Variants in P3H2 observed in about 807,000 individuals in gnomAD.
The protein encoded by P3H2 is prolyl 3-hydroxylase 2.
P3H2 carries 80 observed loss-of-function variants against 87.0 expected under a neutral mutation model. The ratio of observed to expected loss-of-function variants is 0.92; its 90% CI spans 0.77 to 1.11. P3H2 has a LOEUF of 1.11. P3H2 is among the 50% of genes least tolerant of loss of function. The pLI is 0.00. For missense variants in P3H2, 1,001 were observed against 923.9 expected (o/e 1.08, Z -1.08); for synonymous variants, 367 against 359.3 (o/e 1.02, Z -0.24).
rs544894056 is a variant in P3H2 at position 190,022,941 on chromosome 3, T to C, written c.481-27499A>G. On this transcript the variant is annotated intron_variant, in intron 1 of 14. Coordinates refer to ENST00000319332, the MANE Select transcript of P3H2 (RefSeq NM_018192.4). ...TCCCGGGTTCACGCCATTCTCCTGC[T>C]TCAGCCTCCCGAGTAGCTGGGACTA... Among the ~76,000 whole-genome samples the C allele has an allele frequency of 4.9e-4, 74 of 152,156 alleles. No individual in the cohort carries two copies. In the South Asian group the frequency reaches 7.5e-3, roughly 15 times the overall value.
At chr3:190,072,751 C>T (rs1264020056) in intron 1 of P3H2, among the ~76,000 whole-genome samples, 1 of 152,168 alleles carries the variant, frequency 6.6e-6, no homozygotes, top group South Asian at 2.1e-4. Flanking sequence ...ACAACATGCA[C>T]AATATAATTC....
At chr3:190,084,308 C>T (rs1172314146) in intron 1 of P3H2, among the ~76,000 whole-genome samples, 4 of 152,128 alleles carry the variant, frequency 2.6e-5, no homozygotes, top group East Asian at 1.9e-4. Flanking sequence ...AAATGGTCTC[C>T]GCTAAAGAAG....
intron 1 of P3H2, among the ~76,000 whole-genome samples, chr3:190,094,105 G>C (rs754722076): frequency 6.6e-6 from 1 of 152,150 alleles, no homozygotes; most frequent in Non-Finnish European, 1.5e-5. Context: ...AACCAGAATC[G>C]AGAATGTGTT....
chr3:190,084,215 C>T (rs560153762), intron 1 of P3H2, among the ~76,000 whole-genome samples: 1 of 152,272 alleles, frequency 6.6e-6, no homozygotes, highest in East Asian at 1.9e-4. Flanking sequence ...TAATTTCTCA[C>T]CATTCACTTC....
At chr3:190,086,014 T>C (rs939893987) in intron 1 of P3H2, among the ~76,000 whole-genome samples, 1 of 152,176 alleles carries the variant, frequency 6.6e-6, no homozygotes, top group African/African-American at 2.4e-5. Flanking sequence ...AGATTATTCT[T>C]CATTACCAAA....
At chr3:190,053,051 T>C (rs1251000431) in intron 1 of P3H2, among the ~76,000 whole-genome samples, 1 of 152,228 alleles carries the variant, frequency 6.6e-6, no homozygotes, top group Admixed American at 6.5e-5. Context: ...TATTTTAGGA[T>C]TCAATCATGT....
In P3H2 at chr3:190,120,259, T is replaced by C. The variant is rs1184222793; in HGVS notation, c.473A>G (p.Tyr158Cys). Residue 158 changes from tyrosine to cysteine, a missense_variant, in exon 1 of 15, where the codon TAC becomes TGC. Physicochemically the swap from Tyr to Cys is radical, Grantham distance 194. Coordinates refer to ENST00000319332, the MANE Select transcript of P3H2 (RefSeq NM_018192.4). ...GGAGCGCTCTGTGGGTACCTTGATG[T>C]AGGCCCGCTGCAGGTAGTTGTAGGG... ...RVPYNYLQRAYIKLNQLEKAV... is the reference protein window; with the variant it reads ...RVPYNYLQRACIKLNQLEKAV... 3 of 1,610,704 alleles carry C rather than the reference T, an allele frequency of 1.9e-6. No individual in the cohort carries two copies. The highest frequency in any genetic ancestry group is 1.3e-5 in the African/African-American group (1 of 74,892).
chr3:190,044,838 G>A (rs1237083115), intron 1 of P3H2, among the ~76,000 whole-genome samples: 1 of 152,154 alleles, frequency 6.6e-6, no homozygotes, highest in Non-Finnish European at 1.5e-5. Context: ...GAAGAAAAAG[G>A]GTCTCTGTTC....
At chr3:190,016,977 G>T (rs1015687481) in intron 1 of P3H2, among the ~76,000 whole-genome samples, 1 of 152,230 alleles carries the variant, frequency 6.6e-6, no homozygotes. Flanking sequence ...ATTCAAGTAT[G>T]AGTCCACTGA....
At chr3:189,984,073 T>C (rs565190976) in intron 7 of P3H2, among the ~76,000 whole-genome samples, 9 of 152,142 alleles carry the variant, frequency 5.9e-5, no homozygotes, top group Admixed American at 5.2e-4. Flanking sequence ...ACTTTAAGTA[T>C]AATAATAATA....
At chr3:190,098,556 C>G (rs184865387) in intron 1 of P3H2, among the ~76,000 whole-genome samples, 2 of 152,124 alleles carry the variant, frequency 1.3e-5, no homozygotes, top group Non-Finnish European at 2.9e-5. Flanking sequence ...TTCTAAGTGC[C>G]TAACTTGTAT....
At position 190,078,681 on chromosome 3, in the gene P3H2, C is replaced by G. The variant is rs558598859; in HGVS notation, c.480+41571G>C. On this transcript the variant is annotated intron_variant, in intron 1 of 14. Transcript: ENST00000319332. ...GGACACAGAAATGTAGTGTTATTATCCTCACTCATAATCTCATAGGTAAGA... is the reference window on the plus strand; with the variant it reads ...GGACACAGAAATGTAGTGTTATTATGCTCACTCATAATCTCATAGGTAAGA... Among the ~76,000 whole-genome samples the G allele has an allele frequency of 1.2e-3, 184 of 152,294 alleles. 2 individuals are homozygous for G. The South Asian group carries it at 0.02, about 16-fold the overall frequency.
At chr3:189,991,064 A>C (rs980049444) in intron 3 of P3H2, among the ~76,000 whole-genome samples, 1 of 152,214 alleles carries the variant, frequency 6.6e-6, no homozygotes, top group Non-Finnish European at 1.5e-5. Flanking sequence ...CCACAACCAC[A>C]ACACAGTTAA....
chr3:190,117,824 C>T (rs1474134194), intron 1 of P3H2, among the ~76,000 whole-genome samples: 1 of 151,918 alleles, frequency 6.6e-6, no homozygotes, highest in African/African-American at 2.4e-5. Context: ...CTTTCAAAAA[C>T]GAATTTCCAA....
chr3:190,117,290 C>T (rs1214050851), intron 1 of P3H2, among the ~76,000 whole-genome samples: 1 of 152,208 alleles, frequency 6.6e-6, no homozygotes, highest in Non-Finnish European at 1.5e-5. Context: ...CCTTCTTCCC[C>T]TCCAACACAC....
chr3:190,060,608 G>A (rs1353036038), intron 1 of P3H2, among the ~76,000 whole-genome samples: 1 of 152,094 alleles, frequency 6.6e-6, no homozygotes, highest in Non-Finnish European at 1.5e-5. Context: ...ATGATGCACT[G>A]TATCTTAGTC....
At chr3:189,971,653 A>T (rs1037110377) in intron 12 of P3H2, 3 of 490,952 alleles carry the variant, frequency 6.1e-6, no homozygotes, top group Admixed American at 6.6e-5. Context: ...TTTACTTTTC[A>T]TATTAAAACA....
At chr3:190,080,168 T>C (rs916377339) in intron 1 of P3H2, among the ~76,000 whole-genome samples, 21 of 152,140 alleles carry the variant, frequency 1.4e-4, no homozygotes, top group East Asian at 5.8e-4. Context: ...AGGAAGAGCA[T>C]AGACAAAAAT....
intron 8 of P3H2, among the ~76,000 whole-genome samples, chr3:189,980,172 A>G (rs1446726725): frequency 2.6e-5 from 4 of 152,214 alleles, no homozygotes; most frequent in Non-Finnish European, 4.4e-5. Flanking sequence ...ATAGGCATCC[A>G]GAGTAGATGA....
Sources: allele counts gnomAD v4.1 joint callset (sites outside exome capture counted in the v4.1 genomes callset), GRCh38; gene constraint gnomAD v4.1.1; transcripts MANE v1.5; gene names NCBI Gene and HGNC (gene_info 2026-07-23, HGNC 2026-07-21).